The following DLGAP2 variants were observed in gnomAD, a reference collection of about 807,000 sequenced individuals.
The protein encoded by DLGAP2 is disks large-associated protein 2.
Under a neutral mutation model 100.3 loss-of-function variants are expected in DLGAP2, and 26 were observed. The observed-to-expected ratio is 0.26, with a 90% confidence interval of 0.19 to 0.36. DLGAP2 has a LOEUF of 0.36. DLGAP2 is among the 10% of genes least tolerant of loss of function. DLGAP2 has a pLI of 1.00. For synonymous variants in DLGAP2, 886 were observed against 630.1 expected (o/e 1.41, Z -6.08); for missense variants, 1,858 against 1,453.2 (o/e 1.28, Z -4.53).
At chr8:760,024 CT>C (rs1821040421) in intron 1 of DLGAP2, among the ~76,000 whole-genome samples, 1 of 152,168 alleles carries the variant, frequency 6.6e-6, no homozygotes, top group Non-Finnish European at 1.5e-5. Context: ...AATTTTGGTG[CT>C]TTTTTGTATA....
Position 1,196,654 on chromosome 8 carries a change from T to G in DLGAP2, c.74-62197T>G, listed in dbSNP as rs140143621. On this transcript the variant is annotated intron_variant, in intron 2 of 14. Transcript: ENST00000637795. Reference sequence around the variant, plus strand: ...GTATCTCTGAGATGAAAAGAGTAATTTGAAAACCACATATGTCAGGAAAGG... The same window carrying G: ...GTATCTCTGAGATGAAAAGAGTAATGTGAAAACCACATATGTCAGGAAAGG... 5.1e-4 allele frequency among the ~76,000 whole-genome samples: 77 copies of G among 152,232 alleles called. No homozygotes were observed. In the Middle Eastern group the frequency reaches 0.017, roughly 34 times the overall value.
At chr8:1,380,677 G>C (rs978034902) in intron 3 of DLGAP2, among the ~76,000 whole-genome samples, 6 of 152,036 alleles carry the variant, frequency 3.9e-5, no homozygotes, top group African/African-American at 1.2e-4. Context: ...ATGTTCACTG[G>C]GGACTCTCTG....
intron 2 of DLGAP2, among the ~76,000 whole-genome samples, chr8:1,085,603 C>G (rs1803949821): frequency 6.6e-6 from 1 of 152,176 alleles, no homozygotes; most frequent in Admixed American, 6.5e-5. Context: ...TTTCTGGGCT[C>G]TCTGTTCTGT....
chr8:1,228,077 G>T (rs1036876697), intron 2 of DLGAP2, among the ~76,000 whole-genome samples: 1 of 152,028 alleles, frequency 6.6e-6, no homozygotes, highest in African/African-American at 2.4e-5. Context: ...GGGGCCTGTT[G>T]TGGGGTGGGG....
chr8:870,148 A>T (rs887217299), intron 1 of DLGAP2, among the ~76,000 whole-genome samples: 8 of 152,122 alleles, frequency 5.3e-5, no homozygotes, highest in African/African-American at 1.9e-4. Flanking sequence ...ATAGTCCATT[A>T]TCTTGATTTT....
chr8:806,687 G>A lies in DLGAP2; in HGVS notation c.18+68862G>A, dbSNP rs76953437. On this transcript the variant is annotated intron_variant, in intron 1 of 14. Coordinates refer to ENST00000637795, the MANE Select transcript of DLGAP2 (RefSeq NM_001346810.2). ...TCCTTTCTCGTGGGAACTTTTCAGTGCATTTCAGAGAAGTCGTGATGGATT... is the reference window on the plus strand; with the variant it reads ...TCCTTTCTCGTGGGAACTTTTCAGTACATTTCAGAGAAGTCGTGATGGATT... Among the ~76,000 whole-genome samples the A allele has an allele frequency of 2.8e-3, 421 of 152,296 alleles. 3 individuals carry two copies. The highest frequency in any genetic ancestry group is 9.7e-3 in the African/African-American group (405 of 41,552).
intron 5 of DLGAP2, among the ~76,000 whole-genome samples, chr8:1,553,187 C>T (rs989444226): frequency 2.6e-5 from 4 of 152,164 alleles, no homozygotes; most frequent in Non-Finnish European, 5.9e-5. Flanking sequence ...CCTCTGTCCC[C>T]GCCTCCTTCC....
intron 1 of DLGAP2, among the ~76,000 whole-genome samples, chr8:754,613 C>T (rs1264850143): frequency 5.9e-5 from 9 of 152,152 alleles, no homozygotes; most frequent in Admixed American, 3.9e-4. Context: ...CAGTGCTCTG[C>T]GAGGCCAAGG....
intron 3 of DLGAP2, among the ~76,000 whole-genome samples, chr8:1,287,905 GGTT>G (rs1799976739): frequency 4.3e-5 from 6 of 140,240 alleles, no homozygotes. Flanking sequence ...GTGTGTGTGT[GGTT>G]TTGTTAGGAG....
chr8:1,151,455 T>C (rs1191986460), intron 2 of DLGAP2, among the ~76,000 whole-genome samples: 4 of 152,146 alleles, frequency 2.6e-5, no homozygotes, highest in African/African-American at 7.2e-5. Flanking sequence ...CGGGGGCAGC[T>C]TTGGGACGGT....
chr8:1,449,646 G>A (rs1402949133), intron 3 of DLGAP2, among the ~76,000 whole-genome samples: 1 of 152,166 alleles, frequency 6.6e-6, no homozygotes, highest in Non-Finnish European at 1.5e-5. Context: ...GGGTCCCTGG[G>A]CCACACTTGG....
At chr8:1,310,340 A>C (rs974403612) in intron 3 of DLGAP2, among the ~76,000 whole-genome samples, 20 of 152,234 alleles carry the variant, frequency 1.3e-4, no homozygotes, top group African/African-American at 4.1e-4. Context: ...ATATATATGT[A>C]CCAAAATCAA....
chr8:1,054,615 C>G (rs1802823525), intron 2 of DLGAP2, among the ~76,000 whole-genome samples: 1 of 151,992 alleles, frequency 6.6e-6, no homozygotes, highest in Non-Finnish European at 1.5e-5. Context: ...ATTTATCATC[C>G]CTCTCTTGGG....
chr8:1,012,220 C>A (rs1011481936), intron 2 of DLGAP2, among the ~76,000 whole-genome samples: 1 of 152,192 alleles, frequency 6.6e-6, no homozygotes, highest in Admixed American at 6.5e-5. Flanking sequence ...ATGTCTGACA[C>A]CCCTGCTGAC....
At chr8:1,267,649 G>T (rs1375857448) in intron 3 of DLGAP2, among the ~76,000 whole-genome samples, 1 of 145,452 alleles carries the variant, frequency 6.9e-6, no homozygotes, top group Middle Eastern at 3.3e-3. Context: ...CTACAAAAAG[G>T]CCTCCAGGGT....
intron 1 of DLGAP2, among the ~76,000 whole-genome samples, chr8:828,094 AC>A (rs1004023670): frequency 2.0e-5 from 3 of 152,198 alleles, no homozygotes; most frequent in African/African-American, 4.8e-5. Context: ...AAGTGGAGGC[AC>A]GGCGAGATCA....
intron 1 of DLGAP2, among the ~76,000 whole-genome samples, chr8:800,657 CGTGTGCAT>C (rs1796129612): frequency 1.3e-5 from 2 of 151,884 alleles, no homozygotes; most frequent in Non-Finnish European, 2.9e-5. Context: ...TGTGCACATG[CGTGTGCAT>C]GTGTGTACAT....
At chr8:1,497,944 C>T (rs914948294) in intron 3 of DLGAP2, among the ~76,000 whole-genome samples, 1 of 152,154 alleles carries the variant, frequency 6.6e-6, no homozygotes, top group South Asian at 2.1e-4. Flanking sequence ...CTCAGGAGAT[C>T]CTGAGAACAT....
chr8:869,735 G>A (rs545230391), intron 1 of DLGAP2, among the ~76,000 whole-genome samples: 29 of 152,342 alleles, frequency 1.9e-4, no homozygotes, highest in Admixed American at 1.7e-3. Flanking sequence ...GAGAGAACCC[G>A]TGATATTTTG....
Sources: allele counts gnomAD v4.1 joint callset (sites outside exome capture counted in the v4.1 genomes callset), GRCh38; gene constraint gnomAD v4.1.1; transcripts MANE v1.5; gene names NCBI Gene and HGNC (gene_info 2026-07-23, HGNC 2026-07-21).